The following IGSF10 variants were observed in gnomAD, a reference collection of about 807,000 sequenced individuals.
IGSF10 encodes the protein immunoglobulin superfamily member 10, also known as calvaria mechanical force protein 608.
A neutral mutation model predicts 128.2 loss-of-function variants in IGSF10; 126 were observed. The observed-to-expected ratio is 0.98, with a 90% confidence interval of 0.85 to 1.14. The LOEUF (loss-of-function observed/expected upper bound fraction) is 1.14, where lower values mean the gene tolerates loss of function less well. IGSF10 is among the 50% of genes most tolerant of loss of function. The pLI is 0.00. For synonymous variants in IGSF10, 1,185 were observed against 1,146.2 expected (o/e 1.03, Z -0.68); for missense variants, 3,295 against 3,149.8 (o/e 1.05, Z -1.10).
chr3:151,479,627 T>C, the IGSF10 span, among the ~76,000 whole-genome samples: 1 of 152,198 alleles, frequency 6.6e-6, no homozygotes, highest in Admixed American at 6.5e-5. Flanking sequence ...TGTCCTCTAC[T>C]AAAGTGAAAC....
At chr3:151,614,263 C>T in the IGSF10 span, among the ~76,000 whole-genome samples, 1 of 152,128 alleles carries the variant, frequency 6.6e-6, no homozygotes, top group Admixed American at 6.5e-5. Context: ...GTCAGTGTGG[C>T]GATTCCTCAG....
At chr3:151,609,242 G>T in the IGSF10 span, among the ~76,000 whole-genome samples, 3 of 152,230 alleles carry the variant, frequency 2.0e-5, no homozygotes, top group East Asian at 5.8e-4. Context: ...CAGGAAGGAG[G>T]TCAGCATATC....
At chr3:151,509,059 G>A in the IGSF10 span, among the ~76,000 whole-genome samples, 11 of 152,158 alleles carry the variant, frequency 7.2e-5, no homozygotes, top group South Asian at 8.3e-4. Context: ...CCTAGAATAA[G>A]GTATCTTTAA....
upstream of IGSF10, among the ~76,000 whole-genome samples, chr3:151,462,419 G>A (rs555093371): frequency 2.0e-5 from 3 of 152,300 alleles, no homozygotes; most frequent in African/African-American, 7.2e-5. Flanking sequence ...GCTACAATGT[G>A]AGAATTGCTG....
chr3:151,578,873 A>G, the IGSF10 span, among the ~76,000 whole-genome samples: 4 of 152,204 alleles, frequency 2.6e-5, no homozygotes, highest in Admixed American at 2.0e-4. Flanking sequence ...TCATTGAGGA[A>G]GACATACCTG....
At chr3:151,434,420 C>T (rs1261638400), downstream of IGSF10, 1 of 152,198 alleles carries the variant, frequency 6.6e-6, no homozygotes, top group Admixed American at 6.5e-5. Flanking sequence ...AAATATTTCA[C>T]TCCAGCCTGC....
the IGSF10 span, among the ~76,000 whole-genome samples, chr3:151,490,960 A>G: frequency 2.6e-5 from 4 of 152,234 alleles, no homozygotes; most frequent in African/African-American, 2.4e-5. Context: ...TCAAGGAACT[A>G]TATAAAAGAA....
At chr3:151,457,781 TA>T (rs1721867462) in intron 3 of IGSF10, among the ~76,000 whole-genome samples, 1 of 152,238 alleles carries the variant, frequency 6.6e-6, no homozygotes, top group Non-Finnish European at 1.5e-5. Context: ...ACCTTAATGT[TA>T]GCTCTTAATA....
At chr3:151,481,292 C>A in the IGSF10 span, among the ~76,000 whole-genome samples, 1 of 152,186 alleles carries the variant, frequency 6.6e-6, no homozygotes, top group Admixed American at 6.5e-5. Flanking sequence ...TAAGCTGCAG[C>A]ACTCCACCTC....
chr3:151,511,916 G>A, the IGSF10 span, among the ~76,000 whole-genome samples: 11 of 152,054 alleles, frequency 7.2e-5, no homozygotes, highest in Non-Finnish European at 8.8e-5. Context: ...AAAACTAACT[G>A]TCCTAAATAT....
chr3:151,561,647 G>A, the IGSF10 span, among the ~76,000 whole-genome samples: 15 of 152,210 alleles, frequency 9.9e-5, no homozygotes, highest in East Asian at 3.9e-4. Context: ...GACATGGAAC[G>A]TCCTCTAAGA....
Position 151,436,422 on chromosome 3 carries a change from T to TAGTGA in IGSF10, c.*262_*266dup. ...GGTACATTAGCCATTTGTTATTTTA[T>TAGTGA]AGTGAACCGTTTCAATGTTTGTTTA... On this transcript the variant is annotated 3_prime_UTR_variant, in exon 8 of 8. Transcript: ENST00000282466. The TAGTGA allele has an allele frequency of 3.3e-6, 1 of 304,510 alleles. No individual in the cohort carries two copies. The highest frequency in any genetic ancestry group is 4.7e-5 in the Admixed American group (1 of 21,118). 18.9% of individuals were successfully genotyped at this position (304,510 alleles called of 1,614,324 possible).
chr3:151,447,799 G>T lies in IGSF10; in HGVS notation c.2182C>A (p.Arg728=). The T allele has an allele frequency of 6.2e-7, 1 of 1,614,090 alleles. No homozygotes were observed. The highest frequency in any genetic ancestry group is 8.5e-7 in the Non-Finnish European group (1 of 1,180,024). Residue 728 remains arginine (R), a synonymous_variant, in exon 6 of 8, where the codon CGA becomes AGA. Coordinates refer to ENST00000282466, the MANE Select transcript of IGSF10 (RefSeq NM_178822.5). ...CGTCGATGTGTTGAATCTCCACGTC[G>T]CTGGAGTGTTAATTCCCGATAGTTG... ...RHNYRELTLQ[R]RGDSTHRRFR...
the IGSF10 span, among the ~76,000 whole-genome samples, chr3:151,503,882 T>G: frequency 6.6e-6 from 1 of 152,012 alleles, no homozygotes. Flanking sequence ...TGCTGTCTTC[T>G]GTTTCTGGAT....
At chr3:151,546,022 T>C in the IGSF10 span, among the ~76,000 whole-genome samples, 1 of 150,730 alleles carries the variant, frequency 6.6e-6, no homozygotes, top group Non-Finnish European at 1.5e-5. Flanking sequence ...AAACATTAGA[T>C]TAGAGATCAT....
chr3:151,530,926 G>A, the IGSF10 span, among the ~76,000 whole-genome samples: 4,588 of 152,198 alleles, frequency 0.03, 111 homozygotes, highest in East Asian at 0.063. Context: ...TGGTCTGCAT[G>A]CTGTATTCAG....
At chr3:151,438,910 CAT>C (rs751799390) in intron 7 of IGSF10, among the ~76,000 whole-genome samples, 40 of 152,072 alleles carry the variant, frequency 2.6e-4, no homozygotes, top group African/African-American at 9.2e-4. Flanking sequence ...TCCATCACCT[CAT>C]AGTTACCTGT....
the IGSF10 span, among the ~76,000 whole-genome samples, chr3:151,617,240 C>CCTCCTCTTCTTCCCCCTCTTCTTCTTCT: frequency 8.9e-6 from 1 of 112,980 alleles, no homozygotes; most frequent in Non-Finnish European, 1.7e-5. Context: ...CTTCTTCTTC[C>CCTCCTCTTCTTCCCCCTCTTCTTCTTCT]TCCTCCTCTT....
At chr3:151,607,103 C>A in the IGSF10 span, among the ~76,000 whole-genome samples, 6 of 152,152 alleles carry the variant, frequency 3.9e-5, no homozygotes, top group Non-Finnish European at 8.8e-5. Context: ...GCCCTTTCAA[C>A]TCTAATATTC....
Sources: gnomAD v4.1 joint callset for allele counts (sites outside exome capture counted in the v4.1 genomes callset) on GRCh38, gnomAD v4.1.1 for gene constraint, MANE v1.5 for transcripts, NCBI Gene and HGNC (gene_info 2026-07-23, HGNC 2026-07-21) for gene names.